CDC23: variants seen among roughly 807,000 people sequenced by gnomAD.
CDC23 encodes the protein cell division cycle protein 23 homolog.
Under a neutral mutation model 81.7 loss-of-function variants are expected in CDC23, and 26 were observed. The ratio of observed to expected loss-of-function variants is 0.32; its 90% CI spans 0.23 to 0.44. CDC23 has a LOEUF of 0.44. Ranked by LOEUF, CDC23 falls within the 20% of genes least tolerant of loss-of-function variation. The pLI, the probability that CDC23 is intolerant of heterozygous loss-of-function variation, is 1.00. For synonymous variants in CDC23, 267 were observed against 270.8 expected (o/e 0.99, Z 0.14); for missense variants, 519 against 728.0 (o/e 0.71, Z 3.30).
At chr5:138,191,418 C>T in intron 13 of CDC23, 56 bp downstream of exon 13, 1 of 1,459,768 alleles carries the variant, frequency 6.9e-7, no homozygotes, top group South Asian at 1.1e-5. Context: ...ATGCAGGACC[C>T]ACCATCCCAG....
intron 9 of CDC23, among the ~76,000 whole-genome samples, 200 bp from the exon 10 acceptor site, chr5:138,192,857 A>G (rs1460878283): frequency 6.6e-6 from 1 of 152,242 alleles, no homozygotes; most frequent in Non-Finnish European, 1.5e-5. Context: ...GTTAAAAAAA[A>G]AAGTATTCTT....
intron 3 of CDC23, among the ~76,000 whole-genome samples, chr5:138,202,848 G>A (rs1317841589): frequency 6.6e-6 from 1 of 152,138 alleles, no homozygotes; most frequent in East Asian, 1.9e-4. Context: ...GATTGCTTCA[G>A]ATAAAAATTA....
At chr5:138,192,451 A>G in intron 10 of CDC23, 53 bp downstream of exon 10, 1 of 1,613,762 alleles carries the variant, frequency 6.2e-7, no homozygotes, top group Non-Finnish European at 8.5e-7. Flanking sequence ...TTGCAGGCTT[A>G]GAGGCTCCTA....
chr5:138,207,172 A>C (rs1201748935), intron 2 of CDC23, among the ~76,000 whole-genome samples: 1 of 152,020 alleles, frequency 6.6e-6, no homozygotes, highest in Non-Finnish European at 1.5e-5. Context: ...GAGCGACCGC[A>C]CCCGGCCAAG....
At chr5:138,201,322 C>T in intron 5 of CDC23, 21 bp downstream of exon 5, 4 of 1,611,618 alleles carry the variant, frequency 2.5e-6, no homozygotes, top group Non-Finnish European at 3.4e-6. Flanking sequence ...ACAGAAAGTT[C>T]CAAATTACTG....
chr5:138,200,176 G>C (rs1754970746), intron 6 of CDC23, among the ~76,000 whole-genome samples: 2 of 152,170 alleles, frequency 1.3e-5, no homozygotes, highest in South Asian at 4.1e-4. Context: ...CTTTCGCCCA[G>C]GCTAGAGTGA....
At chr5:138,204,460 G>A (rs1305555680) in intron 3 of CDC23, among the ~76,000 whole-genome samples, 6 of 143,592 alleles carry the variant, frequency 4.2e-5, no homozygotes, top group African/African-American at 1.6e-4. Context: ...AGTTGAGATC[G>A]CACCACTGCA....
chr5:138,201,975 G>A (rs1754994628), intron 4 of CDC23, 138 bp downstream of exon 4: 1 of 639,988 alleles, frequency 1.6e-6, no homozygotes, highest in East Asian at 2.9e-5. Flanking sequence ...TGGGTACAAG[G>A]TAGCTGAGAT....
chr5:138,196,768 G>A (rs1427280671), intron 9 of CDC23, among the ~76,000 whole-genome samples: 1 of 149,802 alleles, frequency 6.7e-6, no homozygotes, highest in East Asian at 2.0e-4. Flanking sequence ...TTTTTGTAGA[G>A]ATGGGGTTTC....
At chr5:138,204,369 C>T (rs1232349254) in intron 3 of CDC23, among the ~76,000 whole-genome samples, 2 of 151,588 alleles carry the variant, frequency 1.3e-5, no homozygotes, top group Non-Finnish European at 2.9e-5. Flanking sequence ...ACTGGACATG[C>T]TGGCATGCAC....
In CDC23 at chr5:138,208,325, A is replaced by G. The variant is rs187062770; in HGVS notation, c.235-1641T>C. Reference sequence around the variant, plus strand: ...ATTTTCCTCATCTTTCTTGCCCCAAATATCACCAGAACAAAACTGGAACCA... The same window carrying G: ...ATTTTCCTCATCTTTCTTGCCCCAAGTATCACCAGAACAAAACTGGAACCA... On this transcript the variant is annotated intron_variant, in intron 2 of 15. Transcript: ENST00000394886. Among the ~76,000 whole-genome samples the G allele has an allele frequency of 2.0e-5, 3 of 152,312 alleles. No individual in the cohort carries two copies. In the East Asian group the frequency reaches 5.8e-4, roughly 29 times the overall value.
intron 9 of CDC23, among the ~76,000 whole-genome samples, chr5:138,193,756 C>T (rs770901670): frequency 2.0e-5 from 3 of 151,810 alleles, no homozygotes; most frequent in Admixed American, 6.6e-5. Context: ...GTCAGGAGTT[C>T]GAGACCAGTC....
chr5:138,189,978 C>A (rs139814355), intron 13 of CDC23, 72 bp from the exon 14 acceptor site: 4 of 1,314,936 alleles, frequency 3.0e-6, no homozygotes, highest in Admixed American at 1.8e-5. Flanking sequence ...AGTAAAAGTA[C>A]ATAAGACCAA....
intron 9 of CDC23, among the ~76,000 whole-genome samples, chr5:138,195,700 C>CATATATACATATATTATATATGTAT (rs1754887557): frequency 4.2e-5 from 4 of 94,738 alleles, no homozygotes; most frequent in South Asian, 6.0e-4. Context: ...AATATATATG[C>CATATATACATATATTATATATGTAT]ATATATACAT....
rs1324727055 is a variant in CDC23 at position 138,191,516 on chromosome 5, G to A, written c.1382C>T (p.Ala461Val). The change falls in exon 13 of 16, where the codon GCC (alanine) becomes GTC (valine). Residue 461 changes from alanine to valine, a missense_variant. Ala to Val is a moderately conservative substitution (Grantham distance 64, BLOSUM62 0). Around this residue, in one of 4 missense-constraint regions of CDC23, gnomAD observed 175 missense variants for 337.8 expected, o/e 0.52. Transcript: ENST00000394886. The stretch of plus-strand genomic sequence containing the variant: ...AGCCATTTTCTCCACATCTCCCACG[G>A]CGTAAGCTCTCCAATAACACTGTCA... ...EAKKCYWRAY[A>V]VGDVEKMALV... The A allele has an allele frequency of 1.2e-6, 2 of 1,613,984 alleles. No homozygotes were observed. The highest frequency in any genetic ancestry group is 1.7e-6 in the Non-Finnish European group (2 of 1,180,010).
chr5:138,201,543 C>T (rs181695117), intron 4 of CDC23, 95 bp from the exon 5 acceptor site: 17 of 872,276 alleles, frequency 1.9e-5, no homozygotes, highest in East Asian at 1.3e-4. Flanking sequence ...GACAGGGTCT[C>T]GCTATGTTCC....
chr5:138,203,394 T>C (rs1755011890), intron 3 of CDC23, among the ~76,000 whole-genome samples: 1 of 152,136 alleles, frequency 6.6e-6, no homozygotes, highest in African/African-American at 2.4e-5. Context: ...CTGCTCAATT[T>C]TGCTGTGAAT....
intron 3 of CDC23, among the ~76,000 whole-genome samples, chr5:138,204,045 G>C (rs1371985355): frequency 6.6e-6 from 1 of 152,144 alleles, no homozygotes; most frequent in Non-Finnish European, 1.5e-5. Flanking sequence ...TTATTCTAAA[G>C]AGAACAAATT....
intron 2 of CDC23, 44 bp downstream of exon 2, chr5:138,212,947 A>C (rs779066376): frequency 3.2e-6 from 5 of 1,539,704 alleles, no homozygotes; most frequent in Non-Finnish European, 9.0e-7. Flanking sequence ...CTTGAGGCAC[A>C]CCCCTGGGTT....
Sources: allele counts gnomAD v4.1 joint callset (sites outside exome capture counted in the v4.1 genomes callset), GRCh38; gene constraint gnomAD v4.1.1; regional missense constraint gnomAD v4.1.1; transcripts MANE v1.5; gene names NCBI Gene and HGNC (gene_info 2026-07-23, HGNC 2026-07-21).